TBL2: variants seen among roughly 807,000 people sequenced by gnomAD.
TBL2 encodes the protein transducin beta like 2.
A neutral mutation model predicts 41.8 loss-of-function variants in TBL2; 33 were observed. The observed-to-expected ratio is 0.79, with a 90% CI of 0.60 to 1.06. The LOEUF (loss-of-function observed/expected upper bound fraction) is 1.06, where lower values mean the gene tolerates loss of function less well. Ranked by LOEUF, TBL2 falls within the 50% of genes least tolerant of loss-of-function variation. TBL2 has a pLI of 0.00. For missense variants in TBL2, 522 were observed against 603.8 expected (o/e 0.86, Z 1.42); for synonymous variants, 239 against 241.7 (o/e 0.99, Z 0.10).
At chr7:73,573,828 A>G (rs1793123794) in intron 3 of TBL2, 110 bp downstream of exon 3, 1 of 1,373,176 alleles carries the variant, frequency 7.3e-7, no homozygotes, top group South Asian at 1.4e-5. Flanking sequence ...TGGCACCCCA[A>G]GGGAGGCCCT....
intron 1 of TBL2, among the ~76,000 whole-genome samples, chr7:73,577,264 C>CCCCAAAA (rs782149543): frequency 2.0e-5 from 2 of 98,116 alleles, no homozygotes; most frequent in Non-Finnish European, 3.8e-5. Context: ...CGTCCCCCTG[C>CCCCAAAA]AAAAAAAAAA....
intron 1 of TBL2, 161 bp from the exon 2 acceptor site, chr7:73,574,674 T>C: frequency 1.0e-6 from 1 of 990,204 alleles, no homozygotes; most frequent in African/African-American, 1.6e-5. Context: ...ACAGAGGCTT[T>C]GGCTGGCTGG....
chr7:73,577,264 C>CAAA (rs34760825), intron 1 of TBL2, among the ~76,000 whole-genome samples: 17 of 98,088 alleles, frequency 1.7e-4, no homozygotes, highest in South Asian at 6.7e-4. Context: ...CGTCCCCCTG[C>CAAA]AAAAAAAAAA....
chr7:73,572,702 G>A, intron 5 of TBL2, 142 bp downstream of exon 5: 1 of 1,121,858 alleles, frequency 8.9e-7, no homozygotes, highest in Non-Finnish European at 1.3e-6. Context: ...ACTGCAAGTG[G>A]GGAGAGCTGA....
At chr7:73,574,344 G>C (rs782764115) in intron 2 of TBL2, 39 bp downstream of exon 2, 25 of 1,610,908 alleles carry the variant, frequency 1.6e-5, no homozygotes, top group Non-Finnish European at 2.0e-5. Flanking sequence ...CTGTGGGGCT[G>C]AGTCTCAGGG....
At chr7:73,577,930 G>A (rs1289683466) in intron 1 of TBL2, 1 of 255,258 alleles carries the variant, frequency 3.9e-6, no homozygotes, top group Admixed American at 5.6e-5. Context: ...GAGCCACTTC[G>A]CCTGGCCTCA....
At chr7:73,575,116 T>C (rs1159009934) in intron 1 of TBL2, among the ~76,000 whole-genome samples, 2 of 151,962 alleles carry the variant, frequency 1.3e-5, no homozygotes, top group Non-Finnish European at 2.9e-5. Flanking sequence ...CTTGGTTTTT[T>C]TTTTCTTTTC....
At position 73,570,318 on chromosome 7, in the gene TBL2, A is replaced by G; in HGVS notation, c.*189T>C. On this transcript the variant is annotated 3_prime_UTR_variant, in exon 7 of 7. Transcript: ENST00000305632. The stretch of plus-strand genomic sequence containing the variant: ...GCACCTTGGCCACTAGTCAGGGAGG[A>G]GTCACAGCCAGCAAGAAGAGAGAGA... 9.5e-7 allele frequency: 1 copy of G among 1,048,110 alleles called. No individual in the cohort carries two copies. Among genetic ancestry groups the G allele is most frequent in the Non-Finnish European group, 1.3e-6 (1 of 769,442 alleles). 64.9% of individuals were successfully genotyped at this position (1,048,110 alleles called of 1,614,324 possible). A position where few individuals can be genotyped will look rare whatever the true frequency, so the allele number is the denominator to read the frequency against.
rs1200357564 is a variant in TBL2 at position 73,568,056 on chromosome 7, A to G, written c.*2451T>C. On this transcript the variant is annotated 3_prime_UTR_variant, in exon 7 of 7. Coordinates refer to ENST00000305632, the MANE Select transcript of TBL2 (RefSeq NM_012453.4). ...GACAATTGCCAAGGAAATACTCCTC[A>G]GGCCTTGTGTGCACAGCATTGCCAA... Among the ~76,000 whole-genome samples the G allele has an allele frequency of 6.6e-6, 1 of 152,238 alleles. No individual in the cohort carries two copies. The highest frequency in any genetic ancestry group is 2.4e-5 in the African/African-American group (1 of 41,460).
intron 3 of TBL2, 34 bp from the exon 4 acceptor site, chr7:73,573,505 C>CT: frequency 6.2e-7 from 1 of 1,612,858 alleles, no homozygotes; most frequent in African/African-American, 1.3e-5. Context: ...CACGCTCTCA[C>CT]TGGACAAAGA....
At chr7:73,575,772 G>A (rs1191631352) in intron 1 of TBL2, among the ~76,000 whole-genome samples, 4 of 152,150 alleles carry the variant, frequency 2.6e-5, no homozygotes, top group Non-Finnish European at 4.4e-5. Context: ...AACTGGGGGC[G>A]GTGGCTCATG....
At chr7:73,573,738 TC>T in intron 3 of TBL2, 199 bp downstream of exon 3, 1 of 759,304 alleles carries the variant, frequency 1.3e-6, no homozygotes, top group Non-Finnish European at 2.1e-6. Context: ...GGAAGAGACC[TC>T]CCCCTGTTTC....
At chr7:73,573,196 G>A (rs1584029038) in intron 4 of TBL2, 124 bp downstream of exon 4, 1 of 1,465,582 alleles carries the variant, frequency 6.8e-7, no homozygotes, top group Non-Finnish European at 9.3e-7. Context: ...GCTGTTCAGA[G>A]CCAGGGACCC....
chr7:73,573,357 G>C lies in TBL2; in HGVS notation c.561C>G (p.His187Gln), dbSNP rs1554588171. 6.2e-7 allele frequency: 1 copy of C among 1,614,094 alleles called. No individual in the cohort carries two copies. Among genetic ancestry groups the C allele is most frequent in the African/African-American group, 1.3e-5 (1 of 74,950 alleles). ...TGCCAATGTCGATGACAGGCGCCTT[G>C]TGCTTTTTAGGGAAGTCCTCTGGGG... is the stretch of plus-strand genomic sequence containing the variant. ...TATPEDFPKK[H>Q]KAPVIDIGIA... Residue 187 changes from histidine to glutamine, a missense_variant, in exon 4 of 7, where the codon CAC becomes CAG. His to Gln is a conservative substitution (Grantham distance 24). Coordinates refer to ENST00000305632, the MANE Select transcript of TBL2 (RefSeq NM_012453.4).
chr7:73,568,473 C>T lies in TBL2; in HGVS notation c.*2034G>A, dbSNP rs192890265. On this transcript the variant is annotated 3_prime_UTR_variant, in exon 7 of 7. Transcript: ENST00000305632. Reference sequence around the variant, plus strand: ...CCATCCTGCAGGCAGGACACAAGCCCGCCCTCCAGCTCACTTCTGTCCCCA... The same window carrying T: ...CCATCCTGCAGGCAGGACACAAGCCTGCCCTCCAGCTCACTTCTGTCCCCA... Among the ~76,000 whole-genome samples, 3 of 152,288 alleles carry T rather than the reference C, an allele frequency of 2.0e-5. No homozygotes were observed. The highest frequency in any genetic ancestry group is 4.8e-5 in the African/African-American group (2 of 41,540).
At position 73,570,656 on chromosome 7, in the gene TBL2, AC is replaced by A; in HGVS notation, c.1194del (p.His400ThrfsTer17). On this transcript the variant is annotated frameshift_variant, in exon 7 of 7. Coordinates refer to ENST00000305632, the MANE Select transcript of TBL2 (RefSeq NM_012453.4). LOFTEE classifies it high-confidence loss of function. Reference protein sequence around the residue: ...LASCGDRAVRLFHNTPGHRAM... With the variant: ...LASCGDRAVRXFHNTPGHRAM... ...GCTCGGTGGCCAGGAGTGTTGTGAA[AC>A]AGCCGCACCGCCCGGTCCCCACAGG... 6.2e-7 allele frequency: 1 copy of A among 1,613,706 alleles called. No homozygotes were observed. The highest frequency in any genetic ancestry group is 8.5e-7 in the Non-Finnish European group (1 of 1,179,884).
In TBL2 at chr7:73,573,433, C is replaced by G; in HGVS notation, c.485G>C (p.Arg162Pro). The G allele has an allele frequency of 6.2e-7, 1 of 1,614,070 alleles. No individual in the cohort carries two copies. ...IVWLANGDTL[R>P]VFKMTKREDG... ...CTCCCGCTTGGTCATCTTGAAGACA[C>G]GGAGGGTGTCCCCGTTGGCCAGCCA... Residue 162 changes from arginine (R) to proline (P), a missense_variant, in exon 4 of 7, where the codon CGT becomes CCT. Arg to Pro is a moderately radical substitution (Grantham distance 103, BLOSUM62 -2). Coordinates refer to ENST00000305632, the MANE Select transcript of TBL2 (RefSeq NM_012453.4).
intron 1 of TBL2, 93 bp from the exon 2 acceptor site, chr7:73,574,606 A>G: frequency 1.3e-6 from 2 of 1,554,848 alleles, no homozygotes; most frequent in Admixed American, 1.7e-5. Context: ...GAACAGCAGG[A>G]GATTAACCAG....
Position 73,574,428 on chromosome 7 carries a change from AGGCTTC to A in TBL2, c.210_215del (p.Glu70_Pro72delinsAsp). On this transcript the variant is annotated inframe_deletion, in exon 2 of 7. Coordinates refer to ENST00000305632, the MANE Select transcript of TBL2 (RefSeq NM_012453.4). ...GGCGGTGGGTGAAGTTGTGTTGTTGAGGCTTCTCCTTCCGAATCCGCTGATATTGTT... is the reference window on the plus strand; with the variant it reads ...GGCGGTGGGTGAAGTTGTGTTGTTGATCCTTCCGAATCCGCTGATATTGTT... The A allele has an allele frequency of 6.2e-7, 1 of 1,614,036 alleles. No homozygotes were observed. The highest frequency in any genetic ancestry group is 1.1e-5 in the South Asian group (1 of 91,078).
Sources: allele counts gnomAD v4.1 joint callset (sites outside exome capture counted in the v4.1 genomes callset), GRCh38; gene constraint gnomAD v4.1.1; transcripts MANE v1.5; gene names NCBI Gene and HGNC (gene_info 2026-07-23, HGNC 2026-07-21).